The following SERPINI1 variants were observed in gnomAD, a reference collection of about 807,000 sequenced individuals.
SERPINI1 encodes neuroserpin.
In SERPINI1, 19 loss-of-function variants were observed where a neutral mutation model predicts 41.1. The observed-to-expected ratio is 0.46, with a 90% CI of 0.32 to 0.68. SERPINI1 has a LOEUF of 0.68. Among genes scored for constraint, SERPINI1 ranks in the 30% least tolerant of loss-of-function variants. The probability of loss-of-function intolerance (pLI) is 0.03; values close to 1 mark genes in which losing one functional copy is unlikely to be tolerated. For missense variants in SERPINI1, 460 were observed against 479.2 expected, an observed-to-expected ratio of 0.96 and a Z score of 0.37; for synonymous variants, 138 against 156.6, an observed-to-expected ratio of 0.88 and a Z score of 0.89.
At chr3:167,779,283 A>C (rs1045735950) in intron 1 of SERPINI1, among the ~76,000 whole-genome samples, 1 of 152,230 alleles carries the variant, frequency 6.6e-6, no homozygotes, top group Non-Finnish European at 1.5e-5. Context: ...CAAAACGAAC[A>C]CATATCAAAG....
At chr3:167,737,167 A>G (rs1387482364) in intron 1 of SERPINI1, among the ~76,000 whole-genome samples, 1 of 152,100 alleles carries the variant, frequency 6.6e-6, no homozygotes, top group African/African-American at 2.4e-5. Context: ...CTCTTCCCAG[A>G]TTAAAGTTCA....
chr3:167,792,464 T>C, intron 3 of SERPINI1, 126 bp from the exon 4 acceptor site: 1 of 692,802 alleles, frequency 1.4e-6, no homozygotes, highest in East Asian at 2.7e-5. Flanking sequence ...ACTTTTTATT[T>C]TCATTGTAAA....
chr3:167,795,488 A>G (rs896860176), intron 5 of SERPINI1, among the ~76,000 whole-genome samples: 1 of 152,054 alleles, frequency 6.6e-6, no homozygotes, highest in Non-Finnish European at 1.5e-5. Flanking sequence ...TGCTCTTTTC[A>G]TGTCTCTGAA....
intron 6 of SERPINI1, among the ~76,000 whole-genome samples, chr3:167,819,858 A>C (rs1410453691): frequency 3.9e-5 from 6 of 152,200 alleles, no homozygotes; most frequent in Non-Finnish European, 8.8e-5. Flanking sequence ...TCTGAATTAG[A>C]TCTCCTGGAA....
chr3:167,762,579 G>C (rs1726423191), intron 1 of SERPINI1, among the ~76,000 whole-genome samples: 1 of 152,046 alleles, frequency 6.6e-6, no homozygotes, highest in South Asian at 2.1e-4. Flanking sequence ...GGATTAACCA[G>C]ACTCATTCCT....
intron 4 of SERPINI1, 93 bp downstream of exon 4, chr3:167,792,877 C>A: frequency 2.7e-6 from 3 of 1,112,828 alleles, no homozygotes; most frequent in South Asian, 1.3e-5. Flanking sequence ...AACTCCTTGT[C>A]AATCTAATTT....
At chr3:167,795,615 A>T (rs1267053896) in intron 5 of SERPINI1, among the ~76,000 whole-genome samples, 1 of 152,072 alleles carries the variant, frequency 6.6e-6, no homozygotes, top group Admixed American at 6.6e-5. Flanking sequence ...GAAGCCTCCC[A>T]TGGAACTACC....
chr3:167,754,879 T>G (rs1577401110), intron 1 of SERPINI1, among the ~76,000 whole-genome samples: 1 of 152,208 alleles, frequency 6.6e-6, no homozygotes, highest in East Asian at 1.9e-4. Flanking sequence ...GAGTAGGTGC[T>G]TGCTTCTTGG....
intron 6 of SERPINI1, among the ~76,000 whole-genome samples, chr3:167,807,581 A>T (rs1321822343): frequency 6.6e-6 from 1 of 152,154 alleles, no homozygotes; most frequent in Non-Finnish European, 1.5e-5. Context: ...TCTCCGGAAG[A>T]CCTGTCTTAA....
At chr3:167,799,495 A>G (rs1320483094) in intron 5 of SERPINI1, among the ~76,000 whole-genome samples, 2 of 152,216 alleles carry the variant, frequency 1.3e-5, no homozygotes, top group African/African-American at 2.4e-5. Flanking sequence ...TAGTGCTGCA[A>G]TAAACATACG....
At chr3:167,744,158 A>C (rs373331093) in intron 1 of SERPINI1, among the ~76,000 whole-genome samples, 5 of 152,044 alleles carry the variant, frequency 3.3e-5, no homozygotes, top group African/African-American at 4.8e-5. Context: ...TTTGTTCCAT[A>C]ATCATTAGCT....
Position 167,822,943 on chromosome 3 carries a change from A to G in SERPINI1, c.980-43A>G, listed in dbSNP as rs764761600. The G allele has an allele frequency of 6.4e-6, 7 of 1,087,202 alleles. No homozygotes were observed. The East Asian group carries it at 7.1e-5, about 11-fold the overall frequency. 67.3% of individuals were successfully genotyped at this position (1,087,202 alleles called of 1,614,324 possible). ...TAACAAAAGGGCAAAATATTTTCCT[A>G]TCTCTGAATGAAAAAAAAAAATTTC... On this transcript the variant is annotated intron_variant, in intron 6 of 8. Coordinates refer to ENST00000446050, the MANE Select transcript of SERPINI1 (RefSeq NM_001122752.2).
At chr3:167,747,592 C>T (rs1006339940) in intron 1 of SERPINI1, among the ~76,000 whole-genome samples, 1 of 151,996 alleles carries the variant, frequency 6.6e-6, no homozygotes. Flanking sequence ...TGCAGTGAGC[C>T]GAGATCTTGC....
Position 167,792,519 on chromosome 3 carries a change from GA to G in SERPINI1, c.482-67del. ...GGACCACTCTATCAGATGGTGATTT[GA>G]AAATCTTCTGGTCCCCCTTGATCTT... On this transcript the variant is annotated intron_variant, in intron 3 of 8. Coordinates refer to ENST00000446050, the MANE Select transcript of SERPINI1 (RefSeq NM_001122752.2). 2.3e-6 allele frequency: 3 copies of G among 1,321,206 alleles called. No homozygotes were observed. The South Asian group carries it at 3.8e-5, about 17-fold the overall frequency. 81.8% of individuals were successfully genotyped at this position (1,321,206 alleles called of 1,614,324 possible).
chr3:167,777,159 AC>A (rs1405473837), intron 1 of SERPINI1, among the ~76,000 whole-genome samples: 4 of 152,190 alleles, frequency 2.6e-5, no homozygotes, highest in African/African-American at 9.6e-5. Flanking sequence ...CCATCCACTG[AC>A]ATCCACTCTG....
At chr3:167,798,769 T>C (rs139885229) in intron 5 of SERPINI1, among the ~76,000 whole-genome samples, 1 of 152,078 alleles carries the variant, frequency 6.6e-6, no homozygotes, top group South Asian at 2.1e-4. Context: ...TTCTCACTTA[T>C]AAGTGGGAGC....
Position 167,825,237 on chromosome 3 carries a change from A to G in SERPINI1, c.1157-10A>G. ...CACCCCCTCTTTTGTTTACTTCTGA[A>G]CCAATACAGGTACAATTCTATTCAT... On this transcript the variant is annotated splice_polypyrimidine_tract_variant and intron_variant, in intron 8 of 8. Coordinates refer to ENST00000446050, the MANE Select transcript of SERPINI1 (RefSeq NM_001122752.2). The G allele has an allele frequency of 4.4e-6, 7 of 1,595,178 alleles. No individual in the cohort carries two copies. Among genetic ancestry groups the G allele is most frequent in the Non-Finnish European group, 6.0e-6 (7 of 1,162,818 alleles).
chr3:167,808,350 G>C (rs2108567861), intron 6 of SERPINI1, among the ~76,000 whole-genome samples: 1 of 150,774 alleles, frequency 6.6e-6, no homozygotes, highest in South Asian at 2.1e-4. Flanking sequence ...AAATACTTTG[G>C]AAGTATTTTT....
chr3:167,769,875 ATTTT>A (rs1035029489), intron 1 of SERPINI1, among the ~76,000 whole-genome samples: 1 of 151,038 alleles, frequency 6.6e-6, no homozygotes, highest in Non-Finnish European at 1.5e-5. Context: ...ATTTTGGTTG[ATTTT>A]TTTAATTTAT....
Sources: gnomAD v4.1 joint callset for allele counts (sites outside exome capture counted in the v4.1 genomes callset) on GRCh38, gnomAD v4.1.1 for gene constraint, MANE v1.5 for transcripts, NCBI Gene and HGNC (gene_info 2026-07-23, HGNC 2026-07-21) for gene names.